The following AGBL1 variants were observed in gnomAD, a reference collection of about 807,000 sequenced individuals.
AGBL1 encodes the protein cytosolic carboxypeptidase 4.
AGBL1 carries 130 observed loss-of-function variants against 118.9 expected under a neutral mutation model. The ratio of observed to expected loss-of-function variants is 1.09; its 90% CI spans 0.95 to 1.26. The LOEUF (loss-of-function observed/expected upper bound fraction) is 1.26, where lower values mean the gene tolerates loss of function less well. AGBL1 is among the 50% of genes most tolerant of loss of function. The pLI, the probability that AGBL1 is intolerant of heterozygous loss-of-function variation, is 0.00. For missense variants in AGBL1, 1,584 were observed against 1,298.1 expected (o/e 1.22, Z -3.38); for synonymous variants, 555 against 478.9 (o/e 1.16, Z -2.08).
At chr15:86,525,272 C>T (rs1369101627) in intron 19 of AGBL1, among the ~76,000 whole-genome samples, 3 of 151,974 alleles carry the variant, frequency 2.0e-5, no homozygotes, top group African/African-American at 4.8e-5. Flanking sequence ...GGAAAAATAT[C>T]CCATGCTCAT....
intron 19 of AGBL1, among the ~76,000 whole-genome samples, chr15:86,540,586 TA>T (rs572830313): frequency 9.9e-5 from 15 of 150,836 alleles, no homozygotes; most frequent in East Asian, 1.9e-4. Context: ...GACTCTGTCT[TA>T]AAAAAAAATA....
intron 18 of AGBL1, among the ~76,000 whole-genome samples, chr15:86,405,593 T>A (rs963214439): frequency 1.3e-5 from 2 of 152,146 alleles, no homozygotes; most frequent in African/African-American, 4.8e-5. Context: ...CTCTCATACG[T>A]AACGAAATTC....
chr15:86,441,534 A>G (rs567782574), intron 18 of AGBL1, among the ~76,000 whole-genome samples: 1 of 152,342 alleles, frequency 6.6e-6, no homozygotes, highest in South Asian at 2.1e-4. Flanking sequence ...CCAATGACAT[A>G]GATATGCTTC....
chr15:86,104,101 C>A (rs1014222226), intron 1 of AGBL1, among the ~76,000 whole-genome samples: 21 of 152,144 alleles, frequency 1.4e-4, no homozygotes, highest in African/African-American at 5.1e-4. Context: ...TGTCCTCAAT[C>A]CCATGAGAGG....
intron 18 of AGBL1, among the ~76,000 whole-genome samples, chr15:86,480,207 C>T (rs1478612090): frequency 3.3e-5 from 5 of 152,070 alleles, no homozygotes; most frequent in African/African-American, 4.8e-5. Flanking sequence ...CACATGCACC[C>T]TAGGACTTAA....
Position 86,597,345 on chromosome 15 carries a change from C to T in AGBL1, c.2994+42808C>T, listed in dbSNP as rs547058523. ...AGCTTCTTACGCCAGCTTATAGGAA[C>T]TGATGGTTCAATATTCAGAAATTTT... On this transcript the variant is annotated intron_variant, in intron 21 of 22. Coordinates refer to ENST00000614907, the MANE Select transcript of AGBL1 (RefSeq NM_001386094.1). 2.2e-3 allele frequency among the ~76,000 whole-genome samples: 330 copies of T among 152,266 alleles called. 1 individual carries two copies. The highest frequency in any genetic ancestry group is 3.6e-3 in the Non-Finnish European group (243 of 68,018).
intron 22 of AGBL1, among the ~76,000 whole-genome samples, chr15:86,864,890 T>A (rs1232869122): frequency 6.6e-6 from 1 of 152,190 alleles, no homozygotes; most frequent in Non-Finnish European, 1.5e-5. Flanking sequence ...GAATATGATG[T>A]AGCAAAAACA....
At chr15:86,790,313 A>T (rs1256860385) in intron 22 of AGBL1, among the ~76,000 whole-genome samples, 1 of 152,044 alleles carries the variant, frequency 6.6e-6, no homozygotes, top group Non-Finnish European at 1.5e-5. Context: ...CTGAATAGAA[A>T]GGAAGCCATG....
At chr15:86,300,692 A>G (rs2079731524) in intron 17 of AGBL1, among the ~76,000 whole-genome samples, 1 of 152,172 alleles carries the variant, frequency 6.6e-6, no homozygotes, top group African/African-American at 2.4e-5. Context: ...ACAGTCTCCT[A>G]TGGCTCACAA....
chr15:86,090,594 A>G (rs1002219447), intron 1 of AGBL1, among the ~76,000 whole-genome samples: 1 of 152,172 alleles, frequency 6.6e-6, no homozygotes, highest in African/African-American at 2.4e-5. Context: ...ATCATTTTTT[A>G]GTTCATGGTT....
intron 17 of AGBL1, among the ~76,000 whole-genome samples, chr15:86,306,355 C>T (rs2079840459): frequency 6.6e-6 from 1 of 152,114 alleles, no homozygotes; most frequent in Non-Finnish European, 1.5e-5. Flanking sequence ...TACTCTTTAT[C>T]TTCATGAGTT....
chr15:86,426,138 C>G (rs538984394), intron 18 of AGBL1, among the ~76,000 whole-genome samples: 13 of 152,176 alleles, frequency 8.5e-5, no homozygotes, highest in Middle Eastern at 3.4e-3. Flanking sequence ...AGAAATGAAG[C>G]TAGCTAAAAC....
intron 6 of AGBL1, among the ~76,000 whole-genome samples, chr15:86,246,621 A>C (rs1443500681): frequency 6.6e-6 from 1 of 152,192 alleles, no homozygotes; most frequent in Non-Finnish European, 1.5e-5. Context: ...CCATGTGGCA[A>C]ACAACCACGT....
intron 22 of AGBL1, among the ~76,000 whole-genome samples, chr15:86,785,591 C>T (rs950511521): frequency 6.6e-6 from 1 of 151,982 alleles, no homozygotes; most frequent in Non-Finnish European, 1.5e-5. Context: ...TGGTCTCGAA[C>T]TCCTGGCCTC....
chr15:86,600,178 G>A (rs950358041), intron 21 of AGBL1, among the ~76,000 whole-genome samples: 7 of 152,114 alleles, frequency 4.6e-5, no homozygotes, highest in South Asian at 4.1e-4. Context: ...AACTGAAATA[G>A]GTTCGGAGGA....
intron 18 of AGBL1, among the ~76,000 whole-genome samples, chr15:86,446,235 TTGTC>T (rs2082119095): frequency 6.6e-6 from 1 of 152,216 alleles, no homozygotes; most frequent in Non-Finnish European, 1.5e-5. Context: ...TTTTGGTTGT[TTGTC>T]TAAGTTTAAT....
At chr15:86,800,708 C>G (rs995977611) in intron 22 of AGBL1, among the ~76,000 whole-genome samples, 5 of 152,144 alleles carry the variant, frequency 3.3e-5, no homozygotes, top group African/African-American at 1.2e-4. Context: ...CACCACCTGG[C>G]AAGTTCATTG....
chr15:86,542,604 G>A (rs900545369), intron 19 of AGBL1, among the ~76,000 whole-genome samples: 1 of 152,108 alleles, frequency 6.6e-6, no homozygotes, highest in African/African-American at 2.4e-5. Flanking sequence ...CTGACCTCAG[G>A]TGATCTACCT....
Position 86,795,739 on chromosome 15 carries a change from A to G in AGBL1, c.3159-111348A>G, listed in dbSNP as rs376544477. Among the ~76,000 whole-genome samples the G allele has an allele frequency of 2.2e-3, 339 of 151,250 alleles. 2 individuals are homozygous for G. The highest frequency in any genetic ancestry group is 7.6e-3 in the African/African-American group (315 of 41,186). On this transcript the variant is annotated intron_variant, in intron 22 of 22. Transcript: ENST00000614907. ...AGCTGGGAATACAGGTGCTCGCCAC[A>G]ACACCCAGCTAATTTTTTGTATTTT...
Sources: gnomAD v4.1 joint callset for allele counts (sites outside exome capture counted in the v4.1 genomes callset) on GRCh38, gnomAD v4.1.1 for gene constraint, MANE v1.5 for transcripts, NCBI Gene and HGNC (gene_info 2026-07-23, HGNC 2026-07-21) for gene names.